Variants in GBF1 observed in about 807,000 individuals in gnomAD.
The protein encoded by GBF1 is golgi brefeldin A resistant guanine nucleotide exchange factor 1, also known as Golgi-specific brefeldin A-resistance guanine nucleotide exchange factor 1.
GBF1 carries 114 observed loss-of-function variants against 210.5 expected under a neutral mutation model. That is an observed-to-expected ratio of 0.54 (90% CI 0.47 to 0.63). GBF1 has a LOEUF of 0.63. Among genes scored for constraint, GBF1 ranks in the 30% least tolerant of loss-of-function variants. The probability of loss-of-function intolerance (pLI) is 0.00; values close to 1 mark genes in which losing one functional copy is unlikely to be tolerated. For missense variants in GBF1, 1,851 were observed against 2,357.7 expected, an observed-to-expected ratio of 0.79 and a Z score of 4.45; for synonymous variants, 850 against 889.2, an observed-to-expected ratio of 0.96 and a Z score of 0.78.
Position 102,365,609 on chromosome 10 carries a change from C to A in GBF1, c.2309+10C>A. On this transcript the variant is annotated intron_variant, in intron 18 of 39. Coordinates refer to ENST00000369983, the MANE Select transcript of GBF1 (RefSeq NM_001377137.1). Reference sequence around the variant, plus strand: ...TGGAGAGCTTTGTGAGGTGAGGAAGCTGTAAGAAATGTGGGATATAGCCAG... The same window carrying A: ...TGGAGAGCTTTGTGAGGTGAGGAAGATGTAAGAAATGTGGGATATAGCCAG... 1 of 1,611,772 alleles carries A rather than the reference C, an allele frequency of 6.2e-7. No homozygotes were observed. Among genetic ancestry groups the A allele is most frequent in the Non-Finnish European group, 8.5e-7 (1 of 1,177,966 alleles).
In GBF1 at chr10:102,366,994, C is replaced by T; in HGVS notation, c.2434-91C>T. The stretch of plus-strand genomic sequence containing the variant: ...TGGCCACTTTCTGGATGGTACCTCT[C>T]CTCTGTACTAGCACTGACCAGTGGG... On this transcript the variant is annotated intron_variant, in intron 19 of 39. Transcript: ENST00000369983. The surrounding 1 kb of genome is among the most constrained non-coding windows in gnomAD (Gnocchi z 4.0). 1 of 1,403,938 alleles carries T rather than the reference C, an allele frequency of 7.1e-7. No homozygotes were observed. The highest frequency in any genetic ancestry group is 9.9e-7 in the Non-Finnish European group (1 of 1,010,994). The allele number at this position is 1,403,938 out of a possible 1,614,324, so 87.0% of individuals were successfully genotyped here. A position where few individuals can be genotyped will look rare whatever the true frequency, so the allele number is the denominator to read the frequency against.
At chr10:102,319,239 G>T (rs539477736) in intron 3 of GBF1, among the ~76,000 whole-genome samples, 1 of 152,294 alleles carries the variant, frequency 6.6e-6, no homozygotes, top group African/African-American at 2.4e-5. Context: ...AGAATGGCAT[G>T]AACCCGGGAG....
At chr10:102,263,267 A>T (rs2073454173) in intron 3 of GBF1, among the ~76,000 whole-genome samples, 1 of 152,188 alleles carries the variant, frequency 6.6e-6, no homozygotes, top group South Asian at 2.1e-4. Flanking sequence ...CTGGAAGCTT[A>T]TTAATGGTAG....
At chr10:102,355,265 A>G (rs1363455385) in intron 8 of GBF1, among the ~76,000 whole-genome samples, 2 of 152,214 alleles carry the variant, frequency 1.3e-5, no homozygotes, top group African/African-American at 4.8e-5. Flanking sequence ...CTAGCTAGAT[A>G]GTCCATTGGC....
In GBF1 at chr10:102,381,041, T is replaced by A. The variant is rs547106474; in HGVS notation, c.5174-86T>A. The A allele has an allele frequency of 1.3e-5, 16 of 1,278,284 alleles. No homozygotes were observed. In the Admixed American group the frequency reaches 2.5e-4, roughly 20 times the overall value. 79.2% of individuals were successfully genotyped at this position (1,278,284 alleles called of 1,614,324 possible). On this transcript the variant is annotated intron_variant, in intron 38 of 39. Transcript: ENST00000369983. The stretch of plus-strand genomic sequence containing the variant: ...CTGAATTTATTGTCTGTGCCCTGGG[T>A]GGGTAGAAAGGCTGTTGGGTAGCTA...
At chr10:102,342,389 G>GCACACA (rs144630206) in intron 3 of GBF1, among the ~76,000 whole-genome samples, 5 of 144,094 alleles carry the variant, frequency 3.5e-5, no homozygotes, top group African/African-American at 5.4e-5. Flanking sequence ...TCACACACAC[G>GCACACA]CACACACACA....
chr10:102,369,355 C>G lies in GBF1; in HGVS notation c.3118C>G (p.Arg1040Gly), dbSNP rs1364082114. 6.2e-7 allele frequency: 1 copy of G among 1,613,672 alleles called. No homozygotes were observed. The highest frequency in any genetic ancestry group is 1.3e-5 in the African/African-American group (1 of 74,914). ...NIMEAMLQLF[R>G]AQLLPKAMIE... ...CATGGAGGCCATGCTGCAGCTCTTC[C>G]GAGCCCAACTACTGCCCAAGGCTAT... The change falls in exon 24 of 40, where the codon CGA becomes GGA. Residue 1040 changes from arginine to glycine, a missense_variant. By Grantham distance (125) the Arg-to-Gly change is moderately radical (BLOSUM62 -2). Transcript: ENST00000369983.
intron 4 of GBF1, among the ~76,000 whole-genome samples, chr10:102,344,590 C>T (rs552684572): frequency 1.9e-3 from 292 of 152,198 alleles, no homozygotes; most frequent in South Asian, 3.5e-3. Context: ...ATGCCAGTCT[C>T]CTGCCTCAGC....
At chr10:102,324,512 G>C (rs2056725500) in intron 3 of GBF1, among the ~76,000 whole-genome samples, 2 of 152,208 alleles carry the variant, frequency 1.3e-5, no homozygotes, top group South Asian at 4.1e-4. Flanking sequence ...ATAGACTTTG[G>C]AGTTGGATAG....
chr10:102,338,440 C>A (rs2057930328), intron 3 of GBF1, among the ~76,000 whole-genome samples: 1 of 151,654 alleles, frequency 6.6e-6, no homozygotes, highest in Non-Finnish European at 1.5e-5. Flanking sequence ...GACATGGTTT[C>A]ACTATGTTGG....
intron 3 of GBF1, among the ~76,000 whole-genome samples, chr10:102,278,351 C>G (rs1370864522): frequency 6.6e-6 from 1 of 151,620 alleles, no homozygotes; most frequent in Non-Finnish European, 1.5e-5. Context: ...GGGATCGTAG[C>G]TTACTGCAGC....
Position 102,366,944 on chromosome 10 carries a change from T to C in GBF1, c.2434-141T>C. On this transcript the variant is annotated intron_variant, in intron 19 of 39. Transcript: ENST00000369983. This position sits in a 1 kb window ranked among gnomAD's most constrained non-coding sequence, Gnocchi z 4.0. ...GTGACCTTTCCACAAAGAGATCAGC[T>C]TCTGTTAAGGAGTTGGCAAGAGACT... 1 of 850,346 alleles carries C rather than the reference T, an allele frequency of 1.2e-6. No homozygotes were observed. The highest frequency in any genetic ancestry group is 1.9e-6 in the Non-Finnish European group (1 of 535,588). The allele number at this position is 850,346 out of a possible 1,614,324, so 52.7% of individuals were successfully genotyped here.
At position 102,382,187 on chromosome 10, in the gene GBF1, C is replaced by T. The variant is rs751466920; in HGVS notation, c.5434C>T (p.Gln1812Ter). The T allele has an allele frequency of 6.2e-7, 1 of 1,614,090 alleles. No individual in the cohort carries two copies. The highest frequency in any genetic ancestry group is 1.7e-5 in the Admixed American group (1 of 60,032). Reference sequence around the variant, plus strand: ...CTTGGCTCAGCCCCCACTGATCCTGCAGCCCTTGGCCTCCCCACTGCAGGT... The same window carrying T: ...CTTGGCTCAGCCCCCACTGATCCTGTAGCCCTTGGCCTCCCCACTGCAGGT... ...PPLAQPPLIL[Q>*]PLASPLQVGV... The change falls in exon 40 of 40, where the codon CAG (glutamine) becomes TAG (stop). Residue 1812 changes from glutamine to a stop codon, truncating the protein, a stop_gained. Transcript: ENST00000369983. LOFTEE classifies it high-confidence loss of function.
intron 10 of GBF1, 163 bp from the exon 11 acceptor site, chr10:102,359,104 A>C: frequency 1.6e-6 from 1 of 628,264 alleles, no homozygotes; most frequent in South Asian, 1.9e-5. Context: ...GTCCTTCATC[A>C]TACTCCTACC....
rs150665720 is a variant in GBF1 at position 102,382,299 on chromosome 10, G to A, written c.5546G>A (p.Arg1849His). The change falls in exon 40 of 40, where the codon CGC (arginine) becomes CAC (histidine). Residue 1849 changes from arginine (R) to histidine (H), a missense_variant. Transcript: ENST00000369983. ...TSPVPLLATP[R>H]PTDPIPTSEV... is the part of the protein sequence containing the mutation. The stretch of plus-strand genomic sequence containing the variant: ...CCAGTGCCCCTCCTGGCCACACCCC[G>A]CCCCACAGATCCCATACCCACCTCT... 20 of 1,612,804 alleles carry A rather than the reference G, an allele frequency of 1.2e-5. No individual in the cohort carries two copies. In the East Asian group the frequency reaches 1.3e-4, roughly 11 times the overall value.
intron 1 of GBF1, among the ~76,000 whole-genome samples, chr10:102,257,733 A>G (rs1239202717): frequency 6.6e-6 from 1 of 151,780 alleles, no homozygotes; most frequent in African/African-American, 2.4e-5. Context: ...TTTATTGAGT[A>G]GATTAAAAAG....
chr10:102,270,171 C>T (rs2133272491), intron 3 of GBF1, among the ~76,000 whole-genome samples: 1 of 151,990 alleles, frequency 6.6e-6, no homozygotes, highest in East Asian at 1.9e-4. Flanking sequence ...AACCACTGCA[C>T]CCGGCCTTTT....
chr10:102,293,794 T>A (rs2076674942), intron 3 of GBF1, among the ~76,000 whole-genome samples: 1 of 124,976 alleles, frequency 8.0e-6, no homozygotes, highest in African/African-American at 3.1e-5. Flanking sequence ...TTTTTTTTTT[T>A]TGAGATGGAG....
chr10:102,241,947 C>G (rs1354319883), upstream of GBF1, among the ~76,000 whole-genome samples: 1 of 152,248 alleles, frequency 6.6e-6, no homozygotes, highest in Non-Finnish European at 1.5e-5. This position sits in a 1 kb window ranked among gnomAD's most constrained non-coding sequence, Gnocchi z 6.7. Context: ...TTCTCTGCCA[C>G]TCAAGTTTCG....
Sources: gnomAD v4.1 joint callset for allele counts (sites outside exome capture counted in the v4.1 genomes callset) on GRCh38, gnomAD v4.1.1 for gene constraint, Gnocchi (gnomAD v3.1) non-coding constraint, MANE v1.5 for transcripts, NCBI Gene and HGNC (gene_info 2026-07-23, HGNC 2026-07-21) for gene names.